ANKMY2: variants seen among roughly 807,000 people sequenced by gnomAD.
ANKMY2 encodes ankyrin repeat and MYND domain-containing protein 2.
Under a neutral mutation model 50.4 loss-of-function variants are expected in ANKMY2, and 36 were observed. The ratio of observed to expected loss-of-function variants is 0.71; its 90% confidence interval spans 0.55 to 0.94. ANKMY2 has a LOEUF of 0.94. Ranked by LOEUF, ANKMY2 falls within the 40% of genes least tolerant of loss-of-function variation. The pLI, the probability that ANKMY2 is intolerant of heterozygous loss-of-function variation, is 0.00. For synonymous variants in ANKMY2, 187 were observed against 178.8 expected (o/e 1.05, Z -0.36); for missense variants, 565 against 524.0 (o/e 1.08, Z -0.76).
chr7:16,643,899 G>A (rs1781778669), intron 1 of ANKMY2, among the ~76,000 whole-genome samples: 1 of 149,402 alleles, frequency 6.7e-6, no homozygotes, highest in South Asian at 2.1e-4. Context: ...AAGTAGCCGG[G>A]CATGGTGGCT....
At chr7:16,639,143 G>A (rs1033893401) in intron 1 of ANKMY2, among the ~76,000 whole-genome samples, 2 of 152,164 alleles carry the variant, frequency 1.3e-5, no homozygotes, top group African/African-American at 2.4e-5. Flanking sequence ...GACATTAGTC[G>A]GAAATTATAG....
At chr7:16,607,583 T>A (rs187762975) in intron 7 of ANKMY2, among the ~76,000 whole-genome samples, 12 of 151,122 alleles carry the variant, frequency 7.9e-5, no homozygotes, top group East Asian at 1.9e-4. Flanking sequence ...TAAATAAAAA[T>A]AATAATAATT....
At chr7:16,601,072 C>T (rs781295552) in intron 9 of ANKMY2, 127 bp from the exon 10 acceptor site, 118 of 645,388 alleles carry the variant, frequency 1.8e-4, no homozygotes, top group Middle Eastern at 1.0e-3. Flanking sequence ...ACTGTCATCG[C>T]TAACGTTATT....
chr7:16,608,620 G>A (rs1562767489), intron 7 of ANKMY2, among the ~76,000 whole-genome samples: 2 of 152,140 alleles, frequency 1.3e-5, no homozygotes, highest in Non-Finnish European at 2.9e-5. Context: ...TCAATTTCTT[G>A]CCTGATAGAC....
intron 2 of ANKMY2, among the ~76,000 whole-genome samples, chr7:16,635,057 C>G (rs1322980529): frequency 6.6e-6 from 1 of 152,092 alleles, no homozygotes. Flanking sequence ...AACATTTGTA[C>G]ATAAATGTTC....
intron 2 of ANKMY2, among the ~76,000 whole-genome samples, chr7:16,628,153 G>C (rs1781531856): frequency 6.6e-6 from 1 of 152,180 alleles, no homozygotes; most frequent in East Asian, 1.9e-4. Context: ...CAGTAGTGTA[G>C]GCGAAACGCT....
intron 1 of ANKMY2, among the ~76,000 whole-genome samples, chr7:16,643,299 C>T (rs1463961262): frequency 6.6e-6 from 1 of 152,190 alleles, no homozygotes; most frequent in African/African-American, 2.4e-5. Flanking sequence ...ATTCCTAGCT[C>T]ATCCAAATTA....
chr7:16,639,745 G>C (rs1467155440), intron 1 of ANKMY2, among the ~76,000 whole-genome samples: 1 of 152,168 alleles, frequency 6.6e-6, no homozygotes, highest in Non-Finnish European at 1.5e-5. Context: ...TCATGCCACT[G>C]TAATCCAGCC....
chr7:16,642,364 C>T (rs1208001761), intron 1 of ANKMY2, among the ~76,000 whole-genome samples: 13 of 152,194 alleles, frequency 8.5e-5, no homozygotes, highest in Non-Finnish European at 1.6e-4. Flanking sequence ...TTTCCTCTTA[C>T]ATACTGTTAA....
At chr7:16,642,730 TTTC>T (rs1286611081) in intron 1 of ANKMY2, among the ~76,000 whole-genome samples, 3 of 152,076 alleles carry the variant, frequency 2.0e-5, no homozygotes, top group Non-Finnish European at 4.4e-5. Context: ...GCTTATGGCC[TTTC>T]TTCAACTATA....
chr7:16,626,027 G>A (rs1022102470), intron 3 of ANKMY2, among the ~76,000 whole-genome samples: 1 of 142,510 alleles, frequency 7.0e-6, no homozygotes. Flanking sequence ...TGTCACCCAG[G>A]CTCAAGTTCA....
intron 1 of ANKMY2, 77 bp downstream of exon 1, chr7:16,645,430 G>T: frequency 7.0e-7 from 1 of 1,427,114 alleles, no homozygotes; most frequent in Non-Finnish European, 9.4e-7. Flanking sequence ...GGTCACCCAG[G>T]CCAGGAGCGC....
intron 4 of ANKMY2, among the ~76,000 whole-genome samples, chr7:16,622,366 T>C (rs931064243): frequency 2.6e-5 from 4 of 152,098 alleles, no homozygotes; most frequent in African/African-American, 9.7e-5. Flanking sequence ...GTGGCAAAAA[T>C]CAAAGAATGG....
chr7:16,641,490 T>C (rs1483594161), intron 1 of ANKMY2, among the ~76,000 whole-genome samples: 1 of 152,314 alleles, frequency 6.6e-6, no homozygotes, highest in Non-Finnish European at 1.5e-5. Flanking sequence ...CAACTAATGG[T>C]AACCATATAT....
chr7:16,624,907 G>A (rs947686090), intron 4 of ANKMY2, 76 bp downstream of exon 4: 1 of 1,244,638 alleles, frequency 8.0e-7, no homozygotes, highest in African/African-American at 1.5e-5. Context: ...TTTTCACCAT[G>A]AGAAGCAAAG....
At chr7:16,642,472 C>G (rs1781759144) in intron 1 of ANKMY2, among the ~76,000 whole-genome samples, 1 of 152,116 alleles carries the variant, frequency 6.6e-6, no homozygotes. Flanking sequence ...TAAAAAGCCC[C>G]ACTTAGAGTC....
intron 1 of ANKMY2, among the ~76,000 whole-genome samples, chr7:16,639,999 A>C (rs1420657590): frequency 6.8e-6 from 1 of 147,640 alleles, no homozygotes; most frequent in African/African-American, 2.5e-5. Flanking sequence ...ATCTCTACTA[A>C]AAAAAAAAAT....
chr7:16,605,985 T>C (rs1781154151), intron 7 of ANKMY2, among the ~76,000 whole-genome samples: 1 of 151,498 alleles, frequency 6.6e-6, no homozygotes. Context: ...ACCTGGCCAA[T>C]ATTTTGTAAT....
At chr7:16,630,214 T>G (rs369576239) in intron 2 of ANKMY2, among the ~76,000 whole-genome samples, 1 of 152,212 alleles carries the variant, frequency 6.6e-6, no homozygotes, top group Non-Finnish European at 1.5e-5. Context: ...AATTCATCAA[T>G]TCTAAGATGC....
Sources: allele counts gnomAD v4.1 joint callset (sites outside exome capture counted in the v4.1 genomes callset), GRCh38; gene constraint gnomAD v4.1.1; transcripts MANE v1.5; gene names NCBI Gene and HGNC (gene_info 2026-07-23, HGNC 2026-07-21).